The following PTPRN2 variants were observed in gnomAD, a reference collection of about 807,000 sequenced individuals.
PTPRN2 encodes protein tyrosine phosphatase receptor type N2.
A neutral mutation model predicts 118.8 loss-of-function variants in PTPRN2; 74 were observed. That is an observed-to-expected ratio of 0.62 (90% CI 0.52 to 0.76). PTPRN2 has a LOEUF of 0.76. Ranked by LOEUF, PTPRN2 falls within the 30% of genes least tolerant of loss-of-function variation. PTPRN2 has a pLI of 0.00. For synonymous variants in PTPRN2, 641 were observed against 608.0 expected (o/e 1.05, Z -0.80); for missense variants, 1,481 against 1,394.4 (o/e 1.06, Z -0.99).
intron 2 of PTPRN2, among the ~76,000 whole-genome samples, chr7:158,474,766 G>A (rs1733129): frequency 0.69 from 104,948 of 151,018 alleles, 36,816 homozygotes; most frequent in Admixed American, 0.78. Flanking sequence ...GCGGGTGACC[G>A]TCTGACCACT....
At chr7:157,762,164 A>G (rs1454651802) in intron 12 of PTPRN2, among the ~76,000 whole-genome samples, 2 of 152,090 alleles carry the variant, frequency 1.3e-5, no homozygotes, top group Non-Finnish European at 2.9e-5. Context: ...AACTAGTTCA[A>G]CCATTGTGGA....
At position 158,417,817 on chromosome 7, in the gene PTPRN2, T is replaced by C. The variant is rs138979667; in HGVS notation, c.163+71918A>G. On this transcript the variant is annotated intron_variant, in intron 2 of 22. Transcript: ENST00000389418. ...TACATCGAGATGCTCTAGCTTTCAG[T>C]GTCCCGCTGTGTTAAGTCACAGTGT... 9.7e-3 allele frequency among the ~76,000 whole-genome samples: 1,397 copies of C among 144,068 alleles called. 36 individuals carry two copies. Among genetic ancestry groups the C allele is most frequent in the Non-Finnish European group, 0.013 (856 of 65,318 alleles). 94.5% of individuals were successfully genotyped at this position (144,068 alleles called of 152,430 possible).
At chr7:157,754,650 C>T (rs1172998178) in intron 12 of PTPRN2, among the ~76,000 whole-genome samples, 4 of 152,218 alleles carry the variant, frequency 2.6e-5, no homozygotes, top group Non-Finnish European at 5.9e-5. Flanking sequence ...TCTGGGGGGG[C>T]CCTTCTCAAG....
At chr7:158,082,862 T>A (rs998099865) in intron 10 of PTPRN2, among the ~76,000 whole-genome samples, 1 of 152,174 alleles carries the variant, frequency 6.6e-6, no homozygotes, top group African/African-American at 2.4e-5. Context: ...CCTCCAGGGA[T>A]GACCATGGAG....
At chr7:157,546,714 C>T (rs1798336677) in intron 22 of PTPRN2, among the ~76,000 whole-genome samples, 1 of 152,212 alleles carries the variant, frequency 6.6e-6, no homozygotes, top group Non-Finnish European at 1.5e-5. Flanking sequence ...GTCTTTGCTG[C>T]CATCTTGCCA....
In PTPRN2 at chr7:158,136,709, C is replaced by A. The variant is rs752679391; in HGVS notation, c.1133-14G>T. 3.7e-6 allele frequency: 6 copies of A among 1,613,354 alleles called. No homozygotes were observed. In the South Asian group the frequency reaches 5.5e-5, roughly 15 times the overall value. ...GCACTCCGTCATCTGTAAAAGACACCAGTGTTACCAAGACCCTCATCAAGA... is the reference window on the plus strand; with the variant it reads ...GCACTCCGTCATCTGTAAAAGACACAAGTGTTACCAAGACCCTCATCAAGA... On this transcript the variant is annotated splice_polypyrimidine_tract_variant and intron_variant, in intron 7 of 22. Coordinates refer to ENST00000389418, the MANE Select transcript of PTPRN2 (RefSeq NM_002847.5).
Position 158,316,278 on chromosome 7 carries a change from C to A in PTPRN2, c.277+541G>T, listed in dbSNP as rs1424593609. Among the ~76,000 whole-genome samples, 3 of 152,334 alleles carry A rather than the reference C, an allele frequency of 2.0e-5. 1 individual carries two copies. The East Asian group carries it at 5.8e-4, about 29-fold the overall frequency. ...CTTATCCATCACCATGGTGTCCACA[C>A]AGCACTGCTTCTGACCAAGAGCCCT... On this transcript the variant is annotated intron_variant, in intron 3 of 22. Transcript: ENST00000389418.
chr7:158,146,864 A>T (rs1304798205), intron 6 of PTPRN2, among the ~76,000 whole-genome samples: 2 of 152,010 alleles, frequency 1.3e-5, no homozygotes, highest in East Asian at 3.8e-4. Flanking sequence ...GGATAGAACA[A>T]GCAAACAGTT....
intron 2 of PTPRN2, among the ~76,000 whole-genome samples, chr7:158,329,216 G>A (rs965119024): frequency 3.3e-5 from 5 of 152,206 alleles, no homozygotes; most frequent in Non-Finnish European, 7.3e-5. Flanking sequence ...AGCGTGGCGG[G>A]TGGGAGGCCC....
At chr7:158,411,869 C>T (rs1200645676) in intron 2 of PTPRN2, among the ~76,000 whole-genome samples, 3 of 152,132 alleles carry the variant, frequency 2.0e-5, no homozygotes, top group Non-Finnish European at 1.5e-5. Context: ...CGTTAGGCTG[C>T]CGTGAGGGTG....
intron 11 of PTPRN2, 109 bp downstream of exon 11, chr7:158,081,189 T>G: frequency 2.7e-6 from 3 of 1,121,244 alleles, no homozygotes; most frequent in East Asian, 2.4e-5. Context: ...TTGCCCCATG[T>G]GGGTAGTGTG....
At chr7:158,163,653 C>T (rs28695964) in intron 6 of PTPRN2, among the ~76,000 whole-genome samples, 116 of 45,646 alleles carry the variant, frequency 2.5e-3, no homozygotes, top group East Asian at 7.7e-3. Flanking sequence ...AGGTGACGCC[C>T]GTATGAAGTT....
chr7:157,748,203 G>GC (rs1801138926), intron 12 of PTPRN2, among the ~76,000 whole-genome samples: 2 of 147,940 alleles, frequency 1.4e-5, no homozygotes. Flanking sequence ...TCCCTGAGCT[G>GC]TGAGCTGTTG....
chr7:157,900,235 G>A (rs937873610), intron 11 of PTPRN2, among the ~76,000 whole-genome samples: 9 of 152,208 alleles, frequency 5.9e-5, no homozygotes, highest in Admixed American at 3.3e-4. Flanking sequence ...CGGCTCTGTC[G>A]CAGCTACTCA....
At chr7:157,774,866 T>G (rs955292976) in intron 12 of PTPRN2, among the ~76,000 whole-genome samples, 3 of 152,152 alleles carry the variant, frequency 2.0e-5, no homozygotes, top group Admixed American at 6.5e-5. Flanking sequence ...AGAGGAACCA[T>G]GAGGACAAGT....
In PTPRN2 at chr7:158,265,959, G is replaced by A. The variant is rs561130913; in HGVS notation, c.277+50860C>T. On this transcript the variant is annotated intron_variant, in intron 3 of 22. Coordinates refer to ENST00000389418, the MANE Select transcript of PTPRN2 (RefSeq NM_002847.5). ...TAGCATGCTCAGACCCCACAGAGGCGCAGGGCTCCTTCGCCTCCCCAGGGG... is the reference window on the plus strand; with the variant it reads ...TAGCATGCTCAGACCCCACAGAGGCACAGGGCTCCTTCGCCTCCCCAGGGG... Among the ~76,000 whole-genome samples, 13 of 152,334 alleles carry A rather than the reference G, an allele frequency of 8.5e-5. No individual in the cohort carries two copies. In the East Asian group the frequency reaches 1.2e-3, roughly 14 times the overall value.
At chr7:157,927,322 C>T (rs372506105) in intron 11 of PTPRN2, among the ~76,000 whole-genome samples, 2 of 41,848 alleles carry the variant, frequency 4.8e-5, no homozygotes, top group African/African-American at 2.0e-4. Context: ...TCTGGGACCC[C>T]AAGACAGGAA....
intron 2 of PTPRN2, among the ~76,000 whole-genome samples, chr7:158,352,741 G>A (rs1418574056): frequency 1.3e-5 from 2 of 152,214 alleles, no homozygotes; most frequent in Non-Finnish European, 2.9e-5. Flanking sequence ...GCCCTTCCCT[G>A]CAAAGAAAAC....
At chr7:157,565,286 C>A (rs1799428200) in intron 21 of PTPRN2, among the ~76,000 whole-genome samples, 1 of 152,246 alleles carries the variant, frequency 6.6e-6, no homozygotes, top group African/African-American at 2.4e-5. Flanking sequence ...GTACTCCTAG[C>A]CAGCTGAAGT....
Sources: gnomAD v4.1 joint callset for allele counts (sites outside exome capture counted in the v4.1 genomes callset) on GRCh38, gnomAD v4.1.1 for gene constraint, MANE v1.5 for transcripts, NCBI Gene and HGNC (gene_info 2026-07-23, HGNC 2026-07-21) for gene names.